FBXO21: variants seen among roughly 807,000 people sequenced by gnomAD.
FBXO21 encodes the protein F-box only protein 21.
FBXO21 carries 32 observed loss-of-function variants against 76.6 expected under a neutral mutation model. The ratio of observed to expected loss-of-function variants is 0.42; its 90% CI spans 0.32 to 0.56. The LOEUF (loss-of-function observed/expected upper bound fraction) is 0.56, where lower values mean the gene tolerates loss of function less well. FBXO21 is among the 20% of genes least tolerant of loss of function. The pLI is 0.16. For synonymous variants in FBXO21, 328 were observed against 311.5 expected (o/e 1.05, Z -0.56); for missense variants, 586 against 797.3 (o/e 0.73, Z 3.19).
At chr12:117,182,400 G>A (rs1299319893) in intron 3 of FBXO21, among the ~76,000 whole-genome samples, 1 of 151,890 alleles carries the variant, frequency 6.6e-6, no homozygotes, top group Non-Finnish European at 1.5e-5. Context: ...TGAGGCCAGA[G>A]GATCCCCTGA....
At chr12:117,186,895 G>A (rs1956288732) in intron 2 of FBXO21, among the ~76,000 whole-genome samples, 1 of 152,224 alleles carries the variant, frequency 6.6e-6, no homozygotes, top group Admixed American at 6.5e-5. Flanking sequence ...GGGAGGCCAA[G>A]GCAGGCAGAT....
rs1170413694 is a variant in FBXO21 at position 117,183,480 on chromosome 12, G to A, written c.470+2997C>T. Among the ~76,000 whole-genome samples the A allele has an allele frequency of 3.9e-5, 6 of 152,196 alleles. No homozygotes were observed. In the South Asian group the frequency reaches 6.2e-4, roughly 16 times the overall value. ...TCATCATGTTGGCCAGGCTGGTGTC[G>A]AACTCCTGACCTCAGATGATCCAAG... On this transcript the variant is annotated intron_variant, in intron 3 of 11. Transcript: ENST00000622495.
At chr12:117,179,474 T>G (rs1269275885) in intron 3 of FBXO21, among the ~76,000 whole-genome samples, 1 of 152,152 alleles carries the variant, frequency 6.6e-6, no homozygotes, top group Non-Finnish European at 1.5e-5. Flanking sequence ...CCCTTGCATT[T>G]TATTTGTTGA....
intron 3 of FBXO21, among the ~76,000 whole-genome samples, chr12:117,182,672 C>T (rs1438879057): frequency 6.9e-6 from 1 of 145,000 alleles, no homozygotes; most frequent in Non-Finnish European, 1.5e-5. Context: ...AAGCAATTCT[C>T]CTGTCTCAGC....
At chr12:117,188,321 G>C (rs561497071) in intron 2 of FBXO21, among the ~76,000 whole-genome samples, 2 of 152,322 alleles carry the variant, frequency 1.3e-5, no homozygotes, top group South Asian at 2.1e-4. Context: ...GAGGCCGGCG[G>C]ATCACTTGAG....
chr12:117,157,186 A>G (rs1315038263), intron 10 of FBXO21, among the ~76,000 whole-genome samples: 24 of 149,754 alleles, frequency 1.6e-4, no homozygotes, highest in Middle Eastern at 3.5e-3. Context: ...TCTCCAAAGA[A>G]AAAAAAAAAA....
chr12:117,176,972 A>T lies in FBXO21; in HGVS notation c.592+548T>A, dbSNP rs574324832. Among the ~76,000 whole-genome samples, 249 of 32,284 alleles carry T rather than the reference A, an allele frequency of 7.7e-3. 1 individual carries two copies. The highest frequency in any genetic ancestry group is 0.042 in the African/African-American group (236 of 5,562). 21.2% of individuals were successfully genotyped at this position (32,284 alleles called of 152,430 possible). A position where few individuals can be genotyped will look rare whatever the true frequency, so the allele number is the denominator to read the frequency against. On this transcript the variant is annotated intron_variant, in intron 4 of 11. Coordinates refer to ENST00000622495, the MANE Select transcript of FBXO21 (RefSeq NM_015002.3). ...ATTGTAGGAATTCAAAATCATTTTA[A>T]AAAAAATGGAAGTCTCACTTTGTTC... is the stretch of plus-strand genomic sequence containing the variant.
chr12:117,180,018 G>C (rs563971630), intron 3 of FBXO21, among the ~76,000 whole-genome samples: 1 of 152,246 alleles, frequency 6.6e-6, no homozygotes, highest in East Asian at 1.9e-4. Flanking sequence ...ATCCATTCCT[G>C]TTATTATCCA....
At chr12:117,177,159 TC>T (rs1956184542) in intron 4 of FBXO21, among the ~76,000 whole-genome samples, 1 of 152,190 alleles carries the variant, frequency 6.6e-6, no homozygotes, top group African/African-American at 2.4e-5. Flanking sequence ...AGGGATTTAC[TC>T]AAGGTCACAG....
chr12:117,178,781 C>T (rs1956201140), intron 3 of FBXO21, among the ~76,000 whole-genome samples: 1 of 152,024 alleles, frequency 6.6e-6, no homozygotes, highest in African/African-American at 2.4e-5. Flanking sequence ...TTAAATGGTA[C>T]CCCCTCACCA....
rs1565994929 is a variant in FBXO21 at position 117,150,959 on chromosome 12, TGTGTG to T, written c.1676-4687_1676-4683del. Among the ~76,000 whole-genome samples the T allele has an allele frequency of 5.5e-3, 214 of 38,878 alleles. 4 individuals are homozygous for T. Among genetic ancestry groups the T allele is most frequent in the African/African-American group, 0.023 (102 of 4,530 alleles). The allele number at this position is 38,878 out of a possible 152,430, so 25.5% of individuals were successfully genotyped here. On this transcript the variant is annotated intron_variant, in intron 11 of 11. Coordinates refer to ENST00000622495, the MANE Select transcript of FBXO21 (RefSeq NM_015002.3). ...AGTTTGGAAGTATCAAATAAGTTTG[TGTGTG>T]TGTGTGTGTGTGTGTGTGTGTGTGT...
chr12:117,153,590 G>C (rs1955872303), intron 11 of FBXO21, among the ~76,000 whole-genome samples: 1 of 152,218 alleles, frequency 6.6e-6, no homozygotes, highest in South Asian at 2.1e-4. Context: ...TGAAGGCCTA[G>C]AGGAGAGTCC....
At chr12:117,174,561 T>G in intron 5 of FBXO21, 90 bp downstream of exon 5, 1 of 1,454,722 alleles carries the variant, frequency 6.9e-7, no homozygotes. Context: ...TTTCATGACA[T>G]AATGGCAGCA....
At chr12:117,150,871 C>CTGTGTGTG (rs372253197) in intron 11 of FBXO21, among the ~76,000 whole-genome samples, 7,283 of 127,646 alleles carry the variant, frequency 0.057, 396 homozygotes, top group Middle Eastern at 0.12. Flanking sequence ...TGGCCATGGA[C>CTGTGTGTG]TGTGTGTGTG....
At chr12:117,157,185 A>G (rs12317902) in intron 10 of FBXO21, among the ~76,000 whole-genome samples, 52,484 of 146,754 alleles carry the variant, frequency 0.36, 10,299 homozygotes, top group Admixed American at 0.54. Flanking sequence ...GTCTCCAAAG[A>G]AAAAAAAAAA....
At chr12:117,155,033 G>A (rs537581365) in intron 11 of FBXO21, 10 of 152,318 alleles carry the variant, frequency 6.6e-5, no homozygotes, top group East Asian at 1.9e-4. Context: ...AATGATGTCC[G>A]TCACAGAATG....
chr12:117,147,735 C>T (rs1955792845), intron 11 of FBXO21, among the ~76,000 whole-genome samples: 1 of 152,156 alleles, frequency 6.6e-6, no homozygotes, highest in East Asian at 1.9e-4. Flanking sequence ...CCTTCTTTGC[C>T]GCCCACGGAG....
Position 117,160,217 on chromosome 12 carries a change from T to C in FBXO21, c.1327-2154A>G, listed in dbSNP as rs1174754130. Among the ~76,000 whole-genome samples, 4 of 152,192 alleles carry C rather than the reference T, an allele frequency of 2.6e-5. 1 individual carries two copies. The South Asian group carries it at 6.2e-4, about 24-fold the overall frequency. On this transcript the variant is annotated intron_variant, in intron 9 of 11. Transcript: ENST00000622495. ...TGCCACTGTAGCTTGAAAAAAGCTA[T>C]AGATAATAAGTAAACAAACACAACT... is the stretch of plus-strand genomic sequence containing the variant.
At chr12:117,178,717 C>T (rs1229306855) in intron 3 of FBXO21, among the ~76,000 whole-genome samples, 2 of 152,098 alleles carry the variant, frequency 1.3e-5, no homozygotes, top group African/African-American at 4.8e-5. Context: ...CTGTTCTCAC[C>T]TTCTCCTAGG....
Sources: gnomAD v4.1 joint callset for allele counts (sites outside exome capture counted in the v4.1 genomes callset) on GRCh38, gnomAD v4.1.1 for gene constraint, MANE v1.5 for transcripts, NCBI Gene and HGNC (gene_info 2026-07-23, HGNC 2026-07-21) for gene names.